DDR2: variants seen among roughly 807,000 people sequenced by gnomAD.
DDR2 encodes the protein discoidin domain-containing receptor 2.
Under a neutral mutation model 94.9 loss-of-function variants are expected in DDR2, and 27 were observed. That is an observed-to-expected ratio of 0.28 (90% CI 0.21 to 0.39). The LOEUF is 0.39. Among genes scored for constraint, DDR2 ranks in the 10% least tolerant of loss-of-function variants. The pLI, the probability that DDR2 is intolerant of heterozygous loss-of-function variation, is 1.00. For synonymous variants in DDR2, 382 were observed against 377.2 expected (o/e 1.01, Z -0.15); for missense variants, 783 against 1,076.0 (o/e 0.73, Z 3.81).
chr1:162,635,528 A>G (rs140276983), intron 1 of DDR2, among the ~76,000 whole-genome samples: 1 of 152,278 alleles, frequency 6.6e-6, no homozygotes, highest in East Asian at 1.9e-4. Flanking sequence ...AGCTCACATA[A>G]ATGGTGACCT....
At chr1:162,676,874 A>G (rs1007487537) in intron 2 of DDR2, among the ~76,000 whole-genome samples, 1 of 152,246 alleles carries the variant, frequency 6.6e-6, no homozygotes, top group African/African-American at 2.4e-5. Context: ...TGGGCTCCGA[A>G]CAAGCACGCC....
Position 162,767,267 on chromosome 1 carries a change from C to T in DDR2, c.1201C>T (p.Leu401=). The change falls in exon 11 of 18, where the codon CTG becomes TTG. Residue 401 remains leucine, a synonymous_variant. Transcript: ENST00000367921. ...LKVDDSNTRI[L]IGCLVAIIFI... is the part of the protein sequence containing the mutation. ...AGTTGATGACAGCAACACTCGGATC[C>T]TGATTGGCTGCTTGGTGGCCATCAT... 6.2e-7 allele frequency: 1 copy of T among 1,614,128 alleles called. No individual in the cohort carries two copies. The highest frequency in any genetic ancestry group is 1.1e-5 in the South Asian group (1 of 91,082).
At chr1:162,757,168 GTT>G (rs1295605862) in intron 7 of DDR2, among the ~76,000 whole-genome samples, 1 of 152,164 alleles carries the variant, frequency 6.6e-6, no homozygotes, top group African/African-American at 2.4e-5. Context: ...TATAATAAAA[GTT>G]ACTTCTGTTT....
At chr1:162,723,606 G>T (rs1661520834) in intron 3 of DDR2, among the ~76,000 whole-genome samples, 1 of 152,186 alleles carries the variant, frequency 6.6e-6, no homozygotes, top group Admixed American at 6.5e-5. Context: ...GACCCACCCA[G>T]CCAATTAGAG....
chr1:162,652,718 T>A (rs2101904918), intron 1 of DDR2, among the ~76,000 whole-genome samples: 1 of 152,334 alleles, frequency 6.6e-6, no homozygotes, highest in Middle Eastern at 3.4e-3. Flanking sequence ...ATAAGTATCA[T>A]CTCTATTTTA....
intron 3 of DDR2, among the ~76,000 whole-genome samples, chr1:162,735,927 A>G (rs1298706709): frequency 2.0e-5 from 3 of 152,218 alleles, no homozygotes; most frequent in Admixed American, 2.0e-4. Flanking sequence ...TTTACTTTAG[A>G]TATTCCAAGA....
chr1:162,648,608 G>A (rs1425527892), intron 1 of DDR2, among the ~76,000 whole-genome samples: 1 of 152,110 alleles, frequency 6.6e-6, no homozygotes, highest in Admixed American at 6.5e-5. Context: ...AGAACAAGGA[G>A]CACTGAGGAA....
chr1:162,780,282 G>T lies in DDR2; in HGVS notation c.*36G>T. ...GCCTGGCCATGTTCCTACGGCTCAG[G>T]TCCTCCCTACAAGACCTACCACTCA... On this transcript the variant is annotated 3_prime_UTR_variant, in exon 18 of 18. Coordinates refer to ENST00000367921, the MANE Select transcript of DDR2 (RefSeq NM_006182.4). The T allele has an allele frequency of 6.2e-7, 1 of 1,613,278 alleles. No individual in the cohort carries two copies. Among genetic ancestry groups the T allele is most frequent in the East Asian group, 2.2e-5 (1 of 44,834 alleles).
intron 2 of DDR2, among the ~76,000 whole-genome samples, chr1:162,671,315 C>T (rs1658829105): frequency 6.6e-6 from 1 of 152,194 alleles, no homozygotes; most frequent in South Asian, 2.1e-4. Context: ...TAATGCCAGG[C>T]TAAGCACAAG....
intron 2 of DDR2, among the ~76,000 whole-genome samples, chr1:162,715,622 AC>A (rs2102022826): frequency 6.6e-6 from 1 of 152,126 alleles, no homozygotes; most frequent in East Asian, 1.9e-4. Context: ...AACAACAAAA[AC>A]CCATGTGGAT....
intron 2 of DDR2, among the ~76,000 whole-genome samples, chr1:162,673,575 A>ATGTGCG (rs1311478132): frequency 1.4e-5 from 2 of 139,552 alleles, no homozygotes; most frequent in Non-Finnish European, 1.5e-5. Context: ...ATCTGTCATT[A>ATGTGCG]TGTGCGTGTG....
chr1:162,639,742 C>T (rs750004443), intron 1 of DDR2, among the ~76,000 whole-genome samples: 25 of 152,196 alleles, frequency 1.6e-4, no homozygotes, highest in Non-Finnish European at 3.2e-4. Context: ...TGACTTAAAA[C>T]GGTTCAACTT....
At chr1:162,753,032 G>T in intron 3 of DDR2, 63 bp from the exon 4 acceptor site, 7 of 1,394,556 alleles carry the variant, frequency 5.0e-6, no homozygotes, top group Admixed American at 1.7e-5. Flanking sequence ...ATTCTTCCTA[G>T]GGGGCTTGGA....
At chr1:162,769,877 T>G (rs1224341542) in intron 11 of DDR2, among the ~76,000 whole-genome samples, 1 of 152,232 alleles carries the variant, frequency 6.6e-6, no homozygotes, top group Non-Finnish European at 1.5e-5. Flanking sequence ...TGATTCATCA[T>G]GTTATAGCAC....
In DDR2 at chr1:162,759,910, G is replaced by C. The variant is rs752891309; in HGVS notation, c.786G>C (p.Glu262Asp). Residue 262 changes from glutamate (E) to aspartate (D), a missense_variant, in exon 8 of 18, where the codon GAG becomes GAC. Around this residue, in one of 2 missense-constraint regions of DDR2, gnomAD observed 519 missense variants for 647.9 expected, o/e 0.80. Transcript: ENST00000367921. ...ATGACTATGTGGGCTGGCGGAACGA[G>C]AGTGCCACCAATGGCTACATTGAGA... ...PGYDYVGWRN[E>D]SATNGYIEIM... The C allele has an allele frequency of 6.2e-7, 1 of 1,614,182 alleles. No individual in the cohort carries two copies.
intron 3 of DDR2, among the ~76,000 whole-genome samples, chr1:162,750,962 G>A (rs1352372117): frequency 6.6e-6 from 1 of 152,142 alleles, no homozygotes; most frequent in Non-Finnish European, 1.5e-5. Context: ...GCTGAAATTC[G>A]ATCCCTTCCT....
intron 2 of DDR2, among the ~76,000 whole-genome samples, chr1:162,695,261 T>G (rs1660135353): frequency 6.6e-6 from 1 of 152,122 alleles, no homozygotes; most frequent in Non-Finnish European, 1.5e-5. Context: ...AGACAGAGAC[T>G]AGTTCTGTTG....
At chr1:162,725,314 C>T (rs994360354) in intron 3 of DDR2, among the ~76,000 whole-genome samples, 2 of 152,088 alleles carry the variant, frequency 1.3e-5, no homozygotes, top group African/African-American at 4.8e-5. Context: ...TTTTCTTCTA[C>T]TTCTTTTTTC....
intron 2 of DDR2, among the ~76,000 whole-genome samples, chr1:162,715,728 T>G (rs181774871): frequency 4.9e-4 from 74 of 152,366 alleles, no homozygotes; most frequent in Non-Finnish European, 9.1e-4. Context: ...CTTAGCTTCC[T>G]TGTTGTTGAA....
Sources: allele counts gnomAD v4.1 joint callset (sites outside exome capture counted in the v4.1 genomes callset), GRCh38; gene constraint gnomAD v4.1.1; regional missense constraint gnomAD v4.1.1; transcripts MANE v1.5; gene names NCBI Gene and HGNC (gene_info 2026-07-23, HGNC 2026-07-21).